The following RHOJ variants were observed in gnomAD, a reference collection of about 807,000 sequenced individuals.
RHOJ encodes the protein ras homolog family member J.
A neutral mutation model predicts 23.4 loss-of-function variants in RHOJ; 11 were observed. The ratio of observed to expected loss-of-function variants is 0.47; its 90% CI spans 0.30 to 0.78. RHOJ has a LOEUF of 0.78. Among genes scored for constraint, RHOJ ranks in the 30% least tolerant of loss-of-function variants. RHOJ has a pLI of 0.08. For missense variants in RHOJ, 254 were observed against 273.4 expected, an observed-to-expected ratio of 0.93 and a Z score of 0.50; for synonymous variants, 102 against 102.7, an observed-to-expected ratio of 0.99 and a Z score of 0.04.
intron 1 of RHOJ, among the ~76,000 whole-genome samples, chr14:63,243,451 T>C (rs892399526): frequency 1.3e-5 from 2 of 152,214 alleles, no homozygotes; most frequent in African/African-American, 4.8e-5. Context: ...GCGATTCTCC[T>C]GCCTCAGCCT....
intron 1 of RHOJ, among the ~76,000 whole-genome samples, chr14:63,218,919 A>G (rs899303197): frequency 8.5e-5 from 13 of 152,228 alleles, no homozygotes; most frequent in African/African-American, 3.1e-4. Context: ...GTAATTTCCA[A>G]GACTCTAACT....
rs145792060 is a variant in RHOJ, at chr14:63,249,710, C to A, written c.179-19400C>A. ...TTTATTTCTAAGCTTATATGTTATA[C>A]CTCATCAATCTAATGCTCTAAGTCA... On this transcript the variant is annotated intron_variant, in intron 1 of 4. Coordinates refer to ENST00000316754, the MANE Select transcript of RHOJ (RefSeq NM_020663.5). Among the ~76,000 whole-genome samples, 19 of 152,256 alleles carry A rather than the reference C, an allele frequency of 1.2e-4. No individual in the cohort carries two copies. The East Asian group carries it at 1.5e-3, about 12-fold the overall frequency.
At chr14:63,234,508 G>A (rs1021794936) in intron 1 of RHOJ, among the ~76,000 whole-genome samples, 12 of 152,150 alleles carry the variant, frequency 7.9e-5, no homozygotes, top group East Asian at 1.9e-4. Flanking sequence ...TCATCCTTTC[G>A]CTTCAGTATA....
At chr14:63,222,788 T>C (rs1471626067) in intron 1 of RHOJ, among the ~76,000 whole-genome samples, 1 of 152,256 alleles carries the variant, frequency 6.6e-6, no homozygotes, top group African/African-American at 2.4e-5. Flanking sequence ...CTGTTCACTC[T>C]GATGGTAGTT....
intron 1 of RHOJ, among the ~76,000 whole-genome samples, chr14:63,229,244 G>A (rs1224790319): frequency 6.6e-6 from 1 of 152,190 alleles, no homozygotes; most frequent in Non-Finnish European, 1.5e-5. Flanking sequence ...AAAAAAAGAA[G>A]GAGGAATGTT....
chr14:63,253,350 C>T (rs1287785404), intron 1 of RHOJ, among the ~76,000 whole-genome samples: 8 of 152,142 alleles, frequency 5.3e-5, no homozygotes, highest in East Asian at 1.9e-4. Flanking sequence ...CTCACTATAA[C>T]GTCAAACTCC....
Position 63,232,616 on chromosome 14 carries a change from A to G in RHOJ, c.178+27569A>G, listed in dbSNP as rs1401870268. The stretch of plus-strand genomic sequence containing the variant: ...ATCATGTTTCTCATGTAAGATCGAG[A>G]GGCAATAATAAATATGATTTATGCA... On this transcript the variant is annotated intron_variant, in intron 1 of 4. Transcript: ENST00000316754. Among the ~76,000 whole-genome samples the G allele has an allele frequency of 2.6e-5, 4 of 152,108 alleles. No individual in the cohort carries two copies. The South Asian group carries it at 6.2e-4, about 24-fold the overall frequency.
chr14:63,257,061 G>GAA (rs200837304), intron 1 of RHOJ, among the ~76,000 whole-genome samples: 1 of 130,290 alleles, frequency 7.7e-6, no homozygotes, highest in Non-Finnish European at 1.7e-5. Context: ...GATAGAGCGT[G>GAA]ACTCTGTCCC....
chr14:63,285,180 T>C (rs1355182328), intron 4 of RHOJ, among the ~76,000 whole-genome samples: 1 of 152,222 alleles, frequency 6.6e-6, no homozygotes, highest in African/African-American at 2.4e-5. Context: ...TTTGTCTTAA[T>C]TAATCCTCAC....
intron 2 of RHOJ, among the ~76,000 whole-genome samples, chr14:63,276,095 G>A (rs2139660532): frequency 6.6e-6 from 1 of 152,294 alleles, no homozygotes; most frequent in South Asian, 2.1e-4. Flanking sequence ...AACTGGCTCA[G>A]GGGAGAGGGA....
intron 1 of RHOJ, among the ~76,000 whole-genome samples, chr14:63,250,603 T>TAC (rs1157682232): frequency 1.2e-4 from 18 of 151,752 alleles, no homozygotes; most frequent in Admixed American, 6.6e-4. Context: ...TGTCCCCCCA[T>TAC]ACACACACAC....
intron 1 of RHOJ, among the ~76,000 whole-genome samples, chr14:63,264,058 A>G (rs1303229035): frequency 6.6e-6 from 1 of 151,820 alleles, no homozygotes; most frequent in African/African-American, 2.4e-5. Context: ...GGGTATCGTG[A>G]ATGACACTGA....
At chr14:63,252,801 T>C (rs767158201) in intron 1 of RHOJ, among the ~76,000 whole-genome samples, 18 of 152,122 alleles carry the variant, frequency 1.2e-4, no homozygotes, top group Admixed American at 3.3e-4. Context: ...CTTTAAGAGA[T>C]GGGGTATCAT....
intron 1 of RHOJ, among the ~76,000 whole-genome samples, chr14:63,211,398 A>G (rs932100397): frequency 2.6e-5 from 4 of 152,176 alleles, no homozygotes; most frequent in Non-Finnish European, 5.9e-5. Flanking sequence ...CTAGAAGTTC[A>G]AAGTTATAAT....
intron 1 of RHOJ, among the ~76,000 whole-genome samples, chr14:63,267,569 CATTG>C (rs1895390251): frequency 6.6e-6 from 1 of 152,212 alleles, no homozygotes; most frequent in South Asian, 2.1e-4. Flanking sequence ...GTGAACTGGT[CATTG>C]AAGAAACCAT....
intron 1 of RHOJ, among the ~76,000 whole-genome samples, chr14:63,227,381 T>C (rs937731901): frequency 6.6e-6 from 1 of 152,228 alleles, no homozygotes; most frequent in African/African-American, 2.4e-5. Context: ...CTAATATATT[T>C]TTAAATGTTT....
intron 1 of RHOJ, among the ~76,000 whole-genome samples, chr14:63,266,385 A>G (rs1895367431): frequency 6.6e-6 from 1 of 152,164 alleles, no homozygotes; most frequent in Non-Finnish European, 1.5e-5. Context: ...CATAGCCTGA[A>G]CTAGTTTTTC....
chr14:63,246,441 C>G (rs1282330546), intron 1 of RHOJ, among the ~76,000 whole-genome samples: 1 of 152,164 alleles, frequency 6.6e-6, no homozygotes, highest in Admixed American at 6.5e-5. Context: ...GACTTTGAAA[C>G]CAGACAAACT....
intron 1 of RHOJ, among the ~76,000 whole-genome samples, chr14:63,236,845 A>G (rs1894798982): frequency 6.6e-6 from 1 of 152,020 alleles, no homozygotes; most frequent in African/African-American, 2.4e-5. Flanking sequence ...CACAGATACC[A>G]AAATCCACAG....
Sources: gnomAD v4.1 joint callset for allele counts (sites outside exome capture counted in the v4.1 genomes callset) on GRCh38, gnomAD v4.1.1 for gene constraint, MANE v1.5 for transcripts, NCBI Gene and HGNC (gene_info 2026-07-23, HGNC 2026-07-21) for gene names.